The following LIPM variants were observed in gnomAD, a reference collection of about 807,000 sequenced individuals.
The protein encoded by LIPM is lipase member M.
LIPM carries 42 observed loss-of-function variants against 42.4 expected under a neutral mutation model. The ratio of observed to expected loss-of-function variants is 0.99; its 90% CI spans 0.77 to 1.28. LIPM has a LOEUF of 1.28. Among genes scored for constraint, LIPM ranks in the 50% most tolerant of loss-of-function variants. LIPM has a pLI of 0.00. For missense variants in LIPM, 524 were observed against 520.1 expected (o/e 1.01, Z -0.07); for synonymous variants, 177 against 173.3 (o/e 1.02, Z -0.17).
chr10:88,802,819 T>A lies in LIPM; in HGVS notation c.-78T>A. 7.0e-7 allele frequency: 1 copy of A among 1,422,616 alleles called. No homozygotes were observed. The highest frequency in any genetic ancestry group is 9.4e-7 in the Non-Finnish European group (1 of 1,065,672). The allele number at this position is 1,422,616 out of a possible 1,614,324, so 88.1% of individuals were successfully genotyped here. A position where few individuals can be genotyped will look rare whatever the true frequency, so the allele number is the denominator to read the frequency against. ...TTGCAGCAGGAAAATATGTGAAGAG[T>A]TTTTAAACCCACAAATTCTTCTTAC... On this transcript the variant is annotated 5_prime_UTR_variant, in exon 1 of 9. Transcript: ENST00000404743.
At chr10:88,816,578 T>A (rs1003492674) in intron 6 of LIPM, among the ~76,000 whole-genome samples, 1 of 152,108 alleles carries the variant, frequency 6.6e-6, no homozygotes, top group African/African-American at 2.4e-5. Flanking sequence ...AAATTTTTTT[T>A]AATTAGGGGC....
chr10:88,802,862 C>T lies in LIPM; in HGVS notation c.-35C>T, dbSNP rs1458101535. ...CTTCTTACTTTAGAATTAGTTGTTA[C>T]ATTGGCAGGAAAAAATAAATGCAGA... On this transcript the variant is annotated 5_prime_UTR_variant, in exon 1 of 9. Transcript: ENST00000404743. 1.3e-6 allele frequency: 2 copies of T among 1,514,822 alleles called. No homozygotes were observed. The highest frequency in any genetic ancestry group is 4.8e-5 in the Admixed American group (2 of 42,014). 93.8% of individuals were successfully genotyped at this position (1,514,822 alleles called of 1,614,324 possible).
At chr10:88,806,598 G>T (rs748068543) in intron 1 of LIPM, among the ~76,000 whole-genome samples, 13 of 152,184 alleles carry the variant, frequency 8.5e-5, no homozygotes, top group Non-Finnish European at 1.8e-4. Context: ...CAGACCTGCT[G>T]TATCAGACTG....
At chr10:88,806,840 A>T (rs1359683309) in intron 1 of LIPM, among the ~76,000 whole-genome samples, 1 of 151,854 alleles carries the variant, frequency 6.6e-6, no homozygotes, top group African/African-American at 2.4e-5. Flanking sequence ...ATGCACCACC[A>T]CGCCCGGCTA....
chr10:88,811,526 C>A (rs1253720563), intron 2 of LIPM, among the ~76,000 whole-genome samples: 1 of 152,134 alleles, frequency 6.6e-6, no homozygotes, highest in African/African-American at 2.4e-5. Context: ...TTGCTAATGT[C>A]AAAATAATAT....
At chr10:88,814,852 C>T (rs1003775736) in intron 4 of LIPM, among the ~76,000 whole-genome samples, 5 of 152,070 alleles carry the variant, frequency 3.3e-5, no homozygotes, top group Admixed American at 3.3e-4. Flanking sequence ...GCATATCTCT[C>T]AATATAAATA....
Position 88,813,285 on chromosome 10 carries a change from T to C in LIPM, c.454T>C (p.Trp152Arg). The stretch of plus-strand genomic sequence containing the variant: ...ACTCTCCATAGACCAAGATGAGTTC[T>C]GGGCTTTCAGGTATATGATAATCTC... ...KTLSIDQDEF[W>R]AFSYDEMARF... Residue 152 changes from tryptophan to arginine, a missense_variant, in exon 3 of 9, where the codon TGG (tryptophan) becomes CGG (arginine). Trp to Arg is a moderately radical substitution (Grantham distance 101). Coordinates refer to ENST00000404743, the MANE Select transcript of LIPM (RefSeq NM_001128215.1). The C allele has an allele frequency of 6.2e-7, 1 of 1,600,726 alleles. No homozygotes were observed. The highest frequency in any genetic ancestry group is 8.5e-7 in the Non-Finnish European group (1 of 1,172,166).
At chr10:88,816,739 C>T in intron 6 of LIPM, 77 bp from the exon 7 acceptor site, 1 of 907,208 alleles carries the variant, frequency 1.1e-6, no homozygotes, top group African/African-American at 1.6e-5. Flanking sequence ...GTCTGACACC[C>T]TGGAGATTTG....
At chr10:88,813,058 G>A (rs1843672784) in intron 2 of LIPM, 39 bp from the exon 3 acceptor site, 6 of 1,495,494 alleles carry the variant, frequency 4.0e-6, no homozygotes, top group Non-Finnish European at 5.5e-6. Flanking sequence ...AAGAAAGGGA[G>A]AGAACATTTC....
chr10:88,803,087 G>C lies in LIPM; in HGVS notation c.147+44G>C, dbSNP rs893044631. On this transcript the variant is annotated intron_variant, in intron 1 of 8. Coordinates refer to ENST00000404743, the MANE Select transcript of LIPM (RefSeq NM_001128215.1). ...GAAATGAGGTACTTAACATGTTAAC[G>C]TTTGTATCTGTGTATTATTTACATT... 17 of 1,519,002 alleles carry C rather than the reference G, an allele frequency of 1.1e-5. No individual in the cohort carries two copies. The African/African-American group carries it at 1.7e-4, about 15-fold the overall frequency. The allele number at this position is 1,519,002 out of a possible 1,614,324, so 94.1% of individuals were successfully genotyped here. A position where few individuals can be genotyped will look rare whatever the true frequency, so the allele number is the denominator to read the frequency against.
intron 7 of LIPM, 82 bp from the exon 8 acceptor site, chr10:88,817,743 A>G: frequency 1.1e-6 from 1 of 899,782 alleles, no homozygotes; most frequent in East Asian, 2.7e-5. Flanking sequence ...ATGAGTGCAC[A>G]CTGGGTAGCA....
rs371042301 is a variant in LIPM at position 88,808,408 on chromosome 10, G to A, written c.258G>A (p.Lys86=). The change falls in exon 2 of 9, where the codon AAG becomes AAA. Residue 86 remains lysine (K), a synonymous_variant. Coordinates refer to ENST00000404743, the MANE Select transcript of LIPM (RefSeq NM_001128215.1). ...NRIPRGLVQP[K]KTGSRPVVLL... ...TTCCTCGAGGCCTAGTGCAACCTAA[G>A]AAGACAGGTGTGGGTCACCCCATGT... The A allele has an allele frequency of 1.3e-6, 2 of 1,542,102 alleles. No homozygotes were observed. Among genetic ancestry groups the A allele is most frequent in the African/African-American group, 2.7e-5 (2 of 72,942 alleles).
intron 6 of LIPM, among the ~76,000 whole-genome samples, chr10:88,816,507 G>T (rs1306418943): frequency 1.3e-5 from 2 of 152,096 alleles, no homozygotes; most frequent in African/African-American, 4.8e-5. Context: ...AAATTAAACT[G>T]CAGAACTAGG....
chr10:88,807,032 C>G (rs1202839991), intron 1 of LIPM, among the ~76,000 whole-genome samples: 2 of 152,124 alleles, frequency 1.3e-5, no homozygotes, highest in Non-Finnish European at 2.9e-5. Flanking sequence ...GTCTCACACA[C>G]ATACATGCAC....
intron 2 of LIPM, among the ~76,000 whole-genome samples, chr10:88,809,024 A>G (rs1482765087): frequency 2.6e-5 from 4 of 151,434 alleles, no homozygotes; most frequent in Non-Finnish European, 5.9e-5. Flanking sequence ...GTAGGATCTC[A>G]GCTCACCGCA....
intron 1 of LIPM, among the ~76,000 whole-genome samples, chr10:88,807,569 G>A (rs1378458626): frequency 6.6e-6 from 1 of 152,112 alleles, no homozygotes; most frequent in Non-Finnish European, 1.5e-5. Flanking sequence ...TCTTAACCAG[G>A]GGTTCGTATG....
At chr10:88,814,186 A>C (rs1843688736) in intron 3 of LIPM, among the ~76,000 whole-genome samples, 1 of 152,236 alleles carries the variant, frequency 6.6e-6, no homozygotes, top group African/African-American at 2.4e-5. Context: ...CTTTACAACT[A>C]TTCCTGTAAA....
At chr10:88,806,323 A>G (rs1429875967) in intron 1 of LIPM, among the ~76,000 whole-genome samples, 4 of 152,102 alleles carry the variant, frequency 2.6e-5, no homozygotes, top group Non-Finnish European at 5.9e-5. Context: ...CTTCCTCCAT[A>G]AGACCTTGCC....
chr10:88,813,025 G>T, intron 2 of LIPM, 72 bp from the exon 3 acceptor site: 1 of 1,261,808 alleles, frequency 7.9e-7, no homozygotes, highest in South Asian at 1.3e-5. Flanking sequence ...TGATTTGAAA[G>T]CTCTTATTCA....
Sources: allele counts gnomAD v4.1 joint callset (sites outside exome capture counted in the v4.1 genomes callset), GRCh38; gene constraint gnomAD v4.1.1; transcripts MANE v1.5; gene names NCBI Gene and HGNC (gene_info 2026-07-23, HGNC 2026-07-21).